INTS7: variants seen among roughly 807,000 people sequenced by gnomAD.
The protein encoded by INTS7 is integrator complex subunit 7.
INTS7 carries 46 observed loss-of-function variants against 109.2 expected under a neutral mutation model. The observed-to-expected ratio is 0.42, with a 90% CI of 0.33 to 0.54. INTS7 has a LOEUF of 0.54. Ranked by LOEUF, INTS7 falls within the 20% of genes least tolerant of loss-of-function variation. The pLI is 0.07. For missense variants in INTS7, 929 were observed against 1,132.4 expected (o/e 0.82, Z 2.58); for synonymous variants, 412 against 402.9 (o/e 1.02, Z -0.27).
At chr1:211,995,240 A>G (rs547808639) in intron 7 of INTS7, among the ~76,000 whole-genome samples, 1 of 152,350 alleles carries the variant, frequency 6.6e-6, no homozygotes, top group Admixed American at 6.5e-5. Flanking sequence ...GACAAAGGAA[A>G]CAGAAAGCAT....
At position 212,028,015 on chromosome 1, in the gene INTS7, CAG is replaced by C. The variant is rs1219148780; in HGVS notation, c.95-6805_95-6804del. ...CTAAGTTTTATATTTTTAGTAGAGA[CAG>C]GATTTCACCATGTTGGCCAGGCCAA... On this transcript the variant is annotated intron_variant, in intron 1 of 19. Coordinates refer to ENST00000366994, the MANE Select transcript of INTS7 (RefSeq NM_015434.4). 3.3e-5 allele frequency among the ~76,000 whole-genome samples: 5 copies of C among 152,232 alleles called. No individual in the cohort carries two copies. The East Asian group carries it at 9.6e-4, about 29-fold the overall frequency.
At chr1:211,982,322 A>G (rs1339885537) in intron 9 of INTS7, among the ~76,000 whole-genome samples, 2 of 152,176 alleles carry the variant, frequency 1.3e-5, no homozygotes, top group African/African-American at 4.8e-5. Context: ...GAACCTAAGT[A>G]AATTTTCTAG....
intron 4 of INTS7, among the ~76,000 whole-genome samples, chr1:212,015,496 T>C (rs1666384931): frequency 6.6e-6 from 1 of 151,970 alleles, no homozygotes; most frequent in Non-Finnish European, 1.5e-5. Context: ...GTTAAACAGA[T>C]GCTTGAAGGC....
chr1:211,955,442 T>C (rs148703965), intron 16 of INTS7, among the ~76,000 whole-genome samples: 4,045 of 151,998 alleles, frequency 0.027, 78 homozygotes, highest in Non-Finnish European at 0.04. Context: ...TGAATAGGAG[T>C]GGTGAGAGAG....
At chr1:211,982,075 A>G (rs1664694128) in intron 9 of INTS7, among the ~76,000 whole-genome samples, 1 of 152,176 alleles carries the variant, frequency 6.6e-6, no homozygotes, top group Admixed American at 6.5e-5. Context: ...TGAAGATCAA[A>G]ATCAGCACTG....
chr1:211,963,204 T>C (rs1001820290), intron 16 of INTS7, among the ~76,000 whole-genome samples: 1 of 151,872 alleles, frequency 6.6e-6, no homozygotes, highest in Non-Finnish European at 1.5e-5. Context: ...CACAGAAATA[T>C]GAACACCTCT....
chr1:212,021,346 T>G, intron 1 of INTS7, 134 bp from the exon 2 acceptor site: 1 of 673,098 alleles, frequency 1.5e-6, no homozygotes. Context: ...TATAATTCAT[T>G]ACCCTTTTAA....
At chr1:212,007,487 C>A (rs745892731) in intron 5 of INTS7, 38 bp from the exon 6 acceptor site, 1 of 1,487,828 alleles carries the variant, frequency 6.7e-7, no homozygotes, top group Middle Eastern at 1.7e-4. Context: ...TTTGTGATCA[C>A]CATCCTTAAT....
intron 5 of INTS7, among the ~76,000 whole-genome samples, chr1:212,009,307 G>A (rs1421350554): frequency 6.6e-6 from 1 of 152,068 alleles, no homozygotes; most frequent in East Asian, 1.9e-4. Context: ...ACAGATTAAT[G>A]TATTTCTACA....
At chr1:211,975,411 G>A (rs780564423) in intron 12 of INTS7, 39 bp from the exon 13 acceptor site, 1 of 1,468,602 alleles carries the variant, frequency 6.8e-7, no homozygotes, top group East Asian at 2.3e-5. Flanking sequence ...AATAGAAGGA[G>A]CACACGGTGA....
At chr1:212,033,630 A>G (rs1344706564) in intron 1 of INTS7, among the ~76,000 whole-genome samples, 1 of 152,232 alleles carries the variant, frequency 6.6e-6, no homozygotes, top group East Asian at 1.9e-4. Flanking sequence ...CCTGTTCCAC[A>G]ACCACTATCC....
At position 212,007,337 on chromosome 1, in the gene INTS7, T is replaced by C. The variant is rs779157198; in HGVS notation, c.669A>G (p.Thr223=). The C allele has an allele frequency of 6.2e-7, 1 of 1,613,902 alleles. No individual in the cohort carries two copies. The highest frequency in any genetic ancestry group is 1.1e-5 in the South Asian group (1 of 91,086). Residue 223 remains threonine (T), a synonymous_variant, in exon 6 of 20, where the codon ACA becomes ACG. Coordinates refer to ENST00000366994, the MANE Select transcript of INTS7 (RefSeq NM_015434.4). The part of the protein sequence containing the change: ...SARQLLQQLV[T]SYPSTKMVIV... Reference sequence around the variant, plus strand: ...TCACCATTTTGGTGGACGGATAGGATGTGACCAGCTGTTGTAAAAGCTGAC... The same window carrying C: ...TCACCATTTTGGTGGACGGATAGGACGTGACCAGCTGTTGTAAAAGCTGAC...
rs777899141 is a variant in INTS7 at position 211,942,042 on chromosome 1, G to C, written c.2671C>G (p.Gln891Glu). ...AGGATAGCAAAGTTCAACAGAAATT[G>C]AGTACTGAAGTAATCATTATGAGGT... ...VEPHNDYFST[Q>E]FLLNFAILGT... Residue 891 changes from glutamine (Q) to glutamate (E), a missense_variant, in exon 20 of 20, where the codon CAA becomes GAA. By Grantham distance (29) the Gln-to-Glu change is conservative (BLOSUM62 2). This residue lies in a region of INTS7 where 787 missense variants were observed against 901.1 expected (regional missense o/e 0.87). Transcript: ENST00000366994. The surrounding 1 kb of genome is among the most constrained non-coding windows in gnomAD (Gnocchi z 4.2). 2 of 1,614,044 alleles carry C rather than the reference G, an allele frequency of 1.2e-6. No homozygotes were observed. Among genetic ancestry groups the C allele is most frequent in the Non-Finnish European group, 1.7e-6 (2 of 1,180,040 alleles).
At chr1:212,013,255 AAGT>A (rs1001936026) in intron 4 of INTS7, among the ~76,000 whole-genome samples, 3 of 152,168 alleles carry the variant, frequency 2.0e-5, no homozygotes, top group African/African-American at 7.2e-5. Context: ...TCCTGAGCTC[AAGT>A]GATACCCCGG....
At chr1:211,950,395 C>G (rs1055814172) in intron 17 of INTS7, among the ~76,000 whole-genome samples, 4 of 152,144 alleles carry the variant, frequency 2.6e-5, no homozygotes, top group Non-Finnish European at 5.9e-5. Flanking sequence ...CCTCAGCCTC[C>G]CAAGTAGCTG....
intron 4 of INTS7, 112 bp downstream of exon 4, chr1:212,016,774 A>C (rs2993531): frequency 0.57 from 460,137 of 807,712 alleles, 132,510 homozygotes; most frequent in Non-Finnish European, 0.59. Context: ...CACACCTTGT[A>C]ATTTACACTT....
chr1:212,004,124 T>G (rs150059451), intron 7 of INTS7, among the ~76,000 whole-genome samples: 256 of 152,292 alleles, frequency 1.7e-3, no homozygotes, highest in African/African-American at 5.7e-3. Flanking sequence ...GCAGGTGGAT[T>G]GCTTGAGGTC....
At chr1:212,032,464 C>G (rs941415129) in intron 1 of INTS7, among the ~76,000 whole-genome samples, 1 of 151,780 alleles carries the variant, frequency 6.6e-6, no homozygotes, top group Admixed American at 6.6e-5. Context: ...CCTACCTGAA[C>G]GGGACTCTGG....
chr1:211,968,304 A>G (rs981969011), intron 14 of INTS7, among the ~76,000 whole-genome samples: 8 of 152,242 alleles, frequency 5.3e-5, no homozygotes, highest in African/African-American at 1.7e-4. Flanking sequence ...TTCTCTTTAT[A>G]TAAATATGTA....
Sources: gnomAD v4.1 joint callset for allele counts (sites outside exome capture counted in the v4.1 genomes callset) on GRCh38, gnomAD v4.1.1 for gene constraint, gnomAD v4.1.1 regional missense constraint, Gnocchi (gnomAD v3.1) non-coding constraint, MANE v1.5 for transcripts, NCBI Gene and HGNC (gene_info 2026-07-23, HGNC 2026-07-21) for gene names.